The following DDHD1 variants were observed in gnomAD, a reference collection of about 807,000 sequenced individuals.
DDHD1 encodes the protein phospholipase DDHD1.
In DDHD1, 49 loss-of-function variants were observed where a neutral mutation model predicts 96.4. The observed-to-expected ratio is 0.51, with a 90% confidence interval of 0.40 to 0.64. The LOEUF (loss-of-function observed/expected upper bound fraction) is 0.64. DDHD1 is among the 30% of genes least tolerant of loss of function. The probability of loss-of-function intolerance (pLI) is 0.00; values close to 1 mark genes in which losing one functional copy is unlikely to be tolerated. For missense variants in DDHD1, 1,106 were observed against 1,161.2 expected, an observed-to-expected ratio of 0.95 and a Z score of 0.69; for synonymous variants, 442 against 446.5, an observed-to-expected ratio of 0.99 and a Z score of 0.13.
intron 1 of DDHD1, among the ~76,000 whole-genome samples, chr14:53,136,321 G>C (rs1346617289): frequency 6.6e-6 from 1 of 152,210 alleles, no homozygotes; most frequent in Non-Finnish European, 1.5e-5. Context: ...ACGGACGCAT[G>C]AGACAGTACA....
At chr14:53,100,904 T>G (rs1887246062) in intron 2 of DDHD1, among the ~76,000 whole-genome samples, 1 of 152,224 alleles carries the variant, frequency 6.6e-6, no homozygotes, top group Admixed American at 6.5e-5. Flanking sequence ...ATATTGACTG[T>G]CTACTACTAT....
intron 4 of DDHD1, 120 bp downstream of exon 4, chr14:53,091,665 T>C: frequency 2.8e-6 from 3 of 1,059,594 alleles, no homozygotes; most frequent in Non-Finnish European, 4.0e-6. Flanking sequence ...TAAGAGGTAT[T>C]AGAATAGTTG....
chr14:53,140,195 G>C (rs1890545757), intron 1 of DDHD1, among the ~76,000 whole-genome samples: 1 of 152,106 alleles, frequency 6.6e-6, no homozygotes, highest in Admixed American at 6.6e-5. Context: ...ATGAGCTGGG[G>C]AACTATATCA....
intron 2 of DDHD1, among the ~76,000 whole-genome samples, chr14:53,101,570 T>G (rs767851702): frequency 2.0e-5 from 3 of 151,978 alleles, no homozygotes; most frequent in Non-Finnish European, 4.4e-5. Flanking sequence ...TAATTAAAAT[T>G]TTACTACTCC....
chr14:53,132,472 GC>G (rs1889938527), intron 1 of DDHD1, among the ~76,000 whole-genome samples: 1 of 152,142 alleles, frequency 6.6e-6, no homozygotes, highest in Non-Finnish European at 1.5e-5. Flanking sequence ...GCAAAGGCAG[GC>G]TATGCTATAG....
chr14:53,070,232 A>C (rs549695255), intron 6 of DDHD1, among the ~76,000 whole-genome samples: 12 of 152,334 alleles, frequency 7.9e-5, no homozygotes, highest in African/African-American at 2.4e-4. Context: ...AGGAAATCGT[A>C]AACATACCAA....
In DDHD1 at chr14:53,064,712, C is replaced by T. The variant is rs1251350529; in HGVS notation, c.1504-1507G>A. On this transcript the variant is annotated intron_variant, in intron 6 of 12. Transcript: ENST00000673822. ...TTGAAGAGAAATGGCCTTTGTATTT[C>T]CTTATTAGAGCATATCTGGATTTGA... Among the ~76,000 whole-genome samples the T allele has an allele frequency of 1.3e-5, 2 of 152,008 alleles. 1 individual carries two copies. The highest frequency in any genetic ancestry group is 6.3e-3 in the Middle Eastern group (2 of 316).
At chr14:53,048,281 G>C (rs985571576) in intron 12 of DDHD1, among the ~76,000 whole-genome samples, 8 of 151,094 alleles carry the variant, frequency 5.3e-5, no homozygotes, top group African/African-American at 1.5e-4. Flanking sequence ...TACCAATTAG[G>C]TTATAAAATA....
intron 2 of DDHD1, among the ~76,000 whole-genome samples, chr14:53,098,729 G>A (rs1211190956): frequency 1.3e-5 from 2 of 151,958 alleles, no homozygotes; most frequent in African/African-American, 4.8e-5. Flanking sequence ...TCACAGTACG[G>A]GGTATATTTA....
intron 1 of DDHD1, among the ~76,000 whole-genome samples, chr14:53,119,216 A>G (rs564540889): frequency 6.6e-6 from 1 of 152,330 alleles, no homozygotes; most frequent in African/African-American, 2.4e-5. Context: ...AACATGACAA[A>G]TGGTAAAGAC....
Position 53,044,720 on chromosome 14 carries a change from C to T in DDHD1, c.*2048G>A, listed in dbSNP as rs1030919301. On this transcript the variant is annotated 3_prime_UTR_variant, in exon 13 of 13. Transcript: ENST00000673822. The stretch of plus-strand genomic sequence containing the variant: ...TGAGTCACATACTTGGTCATGGAGC[C>T]TTGGAATTTTTTTTAAACATTAAAA... The T allele has an allele frequency of 6.6e-6, 1 of 152,074 alleles. No individual in the cohort carries two copies. The highest frequency in any genetic ancestry group is 1.5e-5 in the Non-Finnish European group (1 of 67,996). The allele number at this position is 152,074 out of a possible 1,614,324, so 9.4% of individuals were successfully genotyped here.
At chr14:53,101,582 T>C (rs573206021) in intron 2 of DDHD1, among the ~76,000 whole-genome samples, 3 of 152,146 alleles carry the variant, frequency 2.0e-5, no homozygotes, top group South Asian at 2.1e-4. Context: ...TACTACTCCA[T>C]GTATATCCAT....
In DDHD1 at chr14:53,152,333, G is replaced by C; in HGVS notation, c.766C>G (p.Pro256Ala). The C allele has an allele frequency of 6.2e-7, 1 of 1,614,004 alleles. No individual in the cohort carries two copies. Among genetic ancestry groups the C allele is most frequent in the Non-Finnish European group, 8.5e-7 (1 of 1,179,970 alleles). The change falls in exon 1 of 13, where the codon CCT (proline) becomes GCT (alanine). Residue 256 changes from proline to alanine, a missense_variant. Coordinates refer to ENST00000673822, the MANE Select transcript of DDHD1 (RefSeq NM_001160148.2). ...TAGAGGCCGCCCCGCACGCACACAG[G>C]CTCGATGTTCACAAGCTCCACCATC... The part of the protein sequence containing the change: ...PEMVELVNIE[P>A]VCVRGGLYEV...
At chr14:53,057,659 C>A (rs1414664445) in intron 9 of DDHD1, among the ~76,000 whole-genome samples, 1 of 152,164 alleles carries the variant, frequency 6.6e-6, no homozygotes, top group African/African-American at 2.4e-5. Context: ...GTCCAGTAGA[C>A]TCCTGTCTCT....
intron 4 of DDHD1, among the ~76,000 whole-genome samples, chr14:53,091,158 T>C (rs1186294521): frequency 6.6e-6 from 1 of 152,198 alleles, no homozygotes; most frequent in Non-Finnish European, 1.5e-5. Flanking sequence ...GCCAAATTTG[T>C]GGTGGAACCC....
At chr14:53,108,192 G>A (rs926717484) in intron 1 of DDHD1, among the ~76,000 whole-genome samples, 2 of 152,190 alleles carry the variant, frequency 1.3e-5, no homozygotes, top group Admixed American at 1.3e-4. Context: ...GATCCGGCAG[G>A]GTGTCTGCTG....
At position 53,047,081 on chromosome 14, in the gene DDHD1, C is replaced by T. The variant is rs186822615; in HGVS notation, c.2522-132G>A. ...TGTCACTTTTTTAAGAAGTGACTTTCCATTATCATCTTAAGAGAAAAACAC... is the reference window on the plus strand; with the variant it reads ...TGTCACTTTTTTAAGAAGTGACTTTTCATTATCATCTTAAGAGAAAAACAC... On this transcript the variant is annotated intron_variant, in intron 12 of 12. Transcript: ENST00000673822. 2.1e-4 allele frequency: 126 copies of T among 612,204 alleles called. No homozygotes were observed. The African/African-American group carries it at 2.2e-3, about 11-fold the overall frequency. The allele number at this position is 612,204 out of a possible 1,614,324, so 37.9% of individuals were successfully genotyped here. A position where few individuals can be genotyped will look rare whatever the true frequency, so the allele number is the denominator to read the frequency against.
intron 1 of DDHD1, among the ~76,000 whole-genome samples, chr14:53,146,078 TGCCTGCAATCTCA>T (rs1170880484): frequency 6.6e-6 from 1 of 152,080 alleles, no homozygotes; most frequent in African/African-American, 2.4e-5. Context: ...TTGTGGCGCA[TGCCTGCAATCTCA>T]GCTACTTGGG....
chr14:53,085,005 G>C (rs968223155), intron 4 of DDHD1, among the ~76,000 whole-genome samples: 1 of 152,250 alleles, frequency 6.6e-6, no homozygotes, highest in Non-Finnish European at 1.5e-5. Context: ...CACACCCACA[G>C]AGCCTTGCTC....
Sources: gnomAD v4.1 joint callset for allele counts (sites outside exome capture counted in the v4.1 genomes callset) on GRCh38, gnomAD v4.1.1 for gene constraint, MANE v1.5 for transcripts, NCBI Gene and HGNC (gene_info 2026-07-23, HGNC 2026-07-21) for gene names.